Variants in NELL1 observed in about 807,000 individuals in gnomAD.
The protein encoded by NELL1 is protein kinase C-binding protein NELL1.
In NELL1, 76 loss-of-function variants were observed where a neutral mutation model predicts 107.4. The observed-to-expected ratio is 0.71, with a 90% CI of 0.59 to 0.86. NELL1 has a LOEUF of 0.86. Ranked by LOEUF, NELL1 falls within the 40% of genes least tolerant of loss-of-function variation. The pLI is 0.00. For synonymous variants in NELL1, 353 were observed against 341.2 expected, an observed-to-expected ratio of 1.03 and a Z score of -0.38; for missense variants, 1,024 against 1,005.5, an observed-to-expected ratio of 1.02 and a Z score of -0.25.
chr11:21,197,127 T>G (rs1003433554), intron 13 of NELL1, among the ~76,000 whole-genome samples: 14 of 151,962 alleles, frequency 9.2e-5, no homozygotes, highest in African/African-American at 3.4e-4. Context: ...TCCGCCTGCC[T>G]CAGCCTCCCA....
In NELL1 at chr11:21,005,007, A is replaced by T. The variant is rs1335246080; in HGVS notation, c.1300+44447A>T. Among the ~76,000 whole-genome samples the T allele has an allele frequency of 4.6e-5, 7 of 152,166 alleles. No homozygotes were observed. The South Asian group carries it at 1.2e-3, about 27-fold the overall frequency. ...TTAATTAGGATAACATCCATCCAAA[A>T]ACCATTTAGGGTGTGTCCTGGAATA... On this transcript the variant is annotated intron_variant, in intron 12 of 19. Coordinates refer to ENST00000357134, the MANE Select transcript of NELL1 (RefSeq NM_006157.5).
intron 4 of NELL1, among the ~76,000 whole-genome samples, chr11:20,875,856 G>T (rs1849294584): frequency 6.6e-6 from 1 of 152,178 alleles, no homozygotes; most frequent in African/African-American, 2.4e-5. Flanking sequence ...GAGAGAAAAA[G>T]AAAACAGTGA....
At chr11:21,027,977 A>C (rs1367178122) in intron 12 of NELL1, among the ~76,000 whole-genome samples, 1 of 152,150 alleles carries the variant, frequency 6.6e-6, no homozygotes, top group Non-Finnish European at 1.5e-5. Flanking sequence ...TAACTCATGC[A>C]CACATTTTAT....
intron 15 of NELL1, among the ~76,000 whole-genome samples, chr11:21,466,534 A>T (rs4451725): frequency 0.059 from 9,008 of 152,242 alleles, 570 homozygotes; most frequent in East Asian, 0.16. Context: ...GTGGAAAGAG[A>T]TGAGCAATGA....
intron 15 of NELL1, among the ~76,000 whole-genome samples, chr11:21,532,371 A>T (rs1485705022): frequency 1.3e-5 from 2 of 152,236 alleles, no homozygotes; most frequent in Non-Finnish European, 2.9e-5. Flanking sequence ...GTATTTGCAC[A>T]TCATTCAACA....
At chr11:21,559,271 GAGT>G (rs1238871030) in intron 16 of NELL1, among the ~76,000 whole-genome samples, 3 of 152,050 alleles carry the variant, frequency 2.0e-5, no homozygotes, top group African/African-American at 7.2e-5. Flanking sequence ...TTCTACAAAT[GAGT>G]AGAAGTTACT....
At chr11:21,387,456 A>C (rs1210305196) in intron 15 of NELL1, among the ~76,000 whole-genome samples, 1 of 151,820 alleles carries the variant, frequency 6.6e-6, no homozygotes, top group African/African-American at 2.4e-5. Flanking sequence ...CTCAGTTTGC[A>C]CTCAAGAAAT....
intron 15 of NELL1, among the ~76,000 whole-genome samples, chr11:21,455,366 C>T (rs1853701887): frequency 1.5e-5 from 2 of 135,066 alleles, no homozygotes; most frequent in Non-Finnish European, 3.1e-5. Context: ...ACGGCCTTAC[C>T]TGTCATCTAA....
At chr11:20,997,657 T>C (rs117408070) in intron 12 of NELL1, among the ~76,000 whole-genome samples, 3,032 of 152,320 alleles carry the variant, frequency 0.02, 45 homozygotes, top group Middle Eastern at 0.068. Context: ...CTTTTTTGTG[T>C]GTGTAAAATT....
intron 12 of NELL1, among the ~76,000 whole-genome samples, chr11:21,083,152 T>C (rs1854308665): frequency 6.6e-6 from 1 of 152,150 alleles, no homozygotes; most frequent in African/African-American, 2.4e-5. Flanking sequence ...ATTAAGTCAG[T>C]ATGTGTTTTT....
At chr11:21,246,866 T>C (rs1201635647) in intron 14 of NELL1, among the ~76,000 whole-genome samples, 1 of 152,152 alleles carries the variant, frequency 6.6e-6, no homozygotes, top group Admixed American at 6.5e-5. Context: ...AGAAATCTCT[T>C]ATAAAATCAT....
chr11:21,456,476 C>T (rs7950933), intron 15 of NELL1, among the ~76,000 whole-genome samples: 94,856 of 151,654 alleles, frequency 0.63, 30,474 homozygotes, highest in Middle Eastern at 0.84. Flanking sequence ...TTTTCTATAG[C>T]CTAAAACAGT....
chr11:21,132,219 G>A (rs1339002345), intron 13 of NELL1, among the ~76,000 whole-genome samples: 3 of 152,070 alleles, frequency 2.0e-5, no homozygotes, highest in African/African-American at 7.2e-5. Flanking sequence ...GTCTGTGTGT[G>A]TATTTGTATA....
In NELL1 at chr11:21,543,342, A is replaced by T. The variant is rs548527495; in HGVS notation, c.1786+8828A>T. Among the ~76,000 whole-genome samples the T allele has an allele frequency of 1.1e-4, 16 of 152,184 alleles. No homozygotes were observed. The South Asian group carries it at 3.3e-3, about 32-fold the overall frequency. ...CCACTTAACCATGGAACTGTAAGGA[A>T]TCAATATGAAGTAAATGCAAGCATG... On this transcript the variant is annotated intron_variant, in intron 16 of 19. Coordinates refer to ENST00000357134, the MANE Select transcript of NELL1 (RefSeq NM_006157.5).
At chr11:21,374,608 A>T (rs1038586390) in intron 15 of NELL1, among the ~76,000 whole-genome samples, 1 of 151,932 alleles carries the variant, frequency 6.6e-6, no homozygotes, top group South Asian at 2.1e-4. Context: ...ACCACCTCTT[A>T]AAAAAACGAT....
chr11:21,379,125 C>A (rs951287669), intron 15 of NELL1, among the ~76,000 whole-genome samples: 1 of 152,006 alleles, frequency 6.6e-6, no homozygotes, highest in African/African-American at 2.4e-5. Context: ...GTGGTACAGA[C>A]AAGCCTGCCA....
At chr11:21,369,972 G>C (rs1290460552) in intron 14 of NELL1, among the ~76,000 whole-genome samples, 3 of 152,062 alleles carry the variant, frequency 2.0e-5, no homozygotes, top group African/African-American at 7.2e-5. Flanking sequence ...ACAATACAGT[G>C]GTGAGTAAAA....
intron 14 of NELL1, among the ~76,000 whole-genome samples, chr11:21,247,405 T>A (rs1413226202): frequency 6.6e-6 from 1 of 152,214 alleles, no homozygotes; most frequent in African/African-American, 2.4e-5. Context: ...CCTTATTCTA[T>A]AAGCTTTTGT....
chr11:21,220,467 A>C (rs1369728607), intron 13 of NELL1, among the ~76,000 whole-genome samples: 2 of 152,180 alleles, frequency 1.3e-5, no homozygotes, highest in African/African-American at 4.8e-5. Flanking sequence ...TTTGAAGAGT[A>C]TGGTTTGTTT....
Sources: allele counts gnomAD v4.1 joint callset (sites outside exome capture counted in the v4.1 genomes callset), GRCh38; gene constraint gnomAD v4.1.1; transcripts MANE v1.5; gene names NCBI Gene and HGNC (gene_info 2026-07-23, HGNC 2026-07-21).